KDM5C: variants seen among roughly 807,000 people sequenced by gnomAD.
KDM5C encodes the protein lysine-specific demethylase 5C.
In KDM5C, 16 loss-of-function variants were observed where a neutral mutation model predicts 110.6. The observed-to-expected ratio is 0.14, with a 90% confidence interval of 0.10 to 0.22. The LOEUF is 0.22. Ranked by LOEUF, KDM5C falls within the 10% of genes least tolerant of loss-of-function variation. The pLI, the probability that KDM5C is intolerant of heterozygous loss-of-function variation, is 1.00. For missense variants in KDM5C, 681 were observed against 1,300.9 expected (o/e 0.52, Z 7.33); for synonymous variants, 511 against 520.4 (o/e 0.98, Z 0.24).
downstream of KDM5C, chrX:53,192,040 AG>A (rs1442596967): frequency 3.3e-5 from 5 of 151,049 alleles, no homozygotes; most frequent in Admixed American, 5.4e-4. Context: ...ACTTGATTTC[AG>A]AACCCAGAGC....
chrX:53,180,866 C>T (rs1383185981), intron 25 of KDM5C, among the ~76,000 whole-genome samples: 1 of 107,788 alleles, frequency 9.3e-6, no homozygotes, highest in African/African-American at 3.4e-5. Context: ...GTAGCTGGGA[C>T]TACAGGCACC....
rs1934544035 is a variant in KDM5C at position 53,193,115 on chromosome X, G to A, written c.4535C>T (p.Pro1512Leu). The change falls in exon 26 of 26, where the codon CCC becomes CTC. Residue 1512 changes from proline (P) to leucine (L), a missense_variant. Coordinates refer to ENST00000375401, the MANE Select transcript of KDM5C (RefSeq NM_004187.5). ...TGGEGPPAPIPTTGSPSTQEN... is the reference protein window; with the variant it reads ...TGGEGPPAPILTTGSPSTQEN... The stretch of plus-strand genomic sequence containing the variant: ...CTGGGTGCTGGGGCTGCCAGTGGTG[G>A]GGATGGGTGCAGGGGGGCCCTCACC... 8.3e-7 allele frequency: 1 copy of A among 1,210,284 alleles called. No individual in the cohort carries two copies. The highest frequency in any genetic ancestry group is 1.1e-6 in the Non-Finnish European group (1 of 894,903).
chrX:53,189,919 G>C (rs113851148), downstream of KDM5C, among the ~76,000 whole-genome samples: 339 of 112,616 alleles, frequency 3.0e-3, 3 homozygotes, highest in African/African-American at 0.01. Flanking sequence ...GTTCAGTTGG[G>C]CCTGAAGGGT....
At chrX:53,184,658 A>G (rs921206429) in intron 25 of KDM5C, among the ~76,000 whole-genome samples, 1 of 112,270 alleles carries the variant, frequency 8.9e-6, no homozygotes, top group Non-Finnish European at 1.9e-5. Flanking sequence ...TGCATTCCTA[A>G]GATAAATCCC....
intron 25 of KDM5C, among the ~76,000 whole-genome samples, chrX:53,180,048 TA>T (rs368379675): frequency 2.7e-4 from 30 of 111,453 alleles, no homozygotes; most frequent in African/African-American, 9.1e-4. Flanking sequence ...CTTCAGTAAG[TA>T]AATAGATAAA....
chrX:53,211,509 G>C lies in KDM5C; in HGVS notation c.1389C>G (p.Thr463=), dbSNP rs1441362945. The C allele has an allele frequency of 8.3e-7, 1 of 1,211,506 alleles. No homozygotes were observed. Among genetic ancestry groups the C allele is most frequent in the Non-Finnish European group, 1.1e-6 (1 of 895,206 alleles). The stretch of plus-strand genomic sequence containing the variant: ...ATCATCCACTCACCTCCTCTTCGGG[G>C]GTTAGGTGCCGTTTACTGTCACTGA... ...FPVSDSKRHL[T]PEEEEYATSG... The change falls in exon 10 of 26, where the codon ACC becomes ACG. Residue 463 remains threonine (T), a synonymous_variant. Transcript: ENST00000375401.
chrX:53,214,413 T>C, intron 8 of KDM5C: 4 of 341,770 alleles, frequency 1.2e-5, no homozygotes, highest in Non-Finnish European at 2.0e-5. Context: ...CTTCTATATC[T>C]CAGAGTTTCT....
Position 53,225,199 on chromosome X carries a change from T to C in KDM5C, c.-310A>G, listed in dbSNP as rs781885790. 1 of 359,152 alleles carries C rather than the reference T, an allele frequency of 2.8e-6. No individual in the cohort carries two copies. The highest frequency in any genetic ancestry group is 2.6e-5 in the African/African-American group (1 of 38,313). 29.6% of individuals were successfully genotyped at this position (359,152 alleles called of 1,213,427 possible). On this transcript the variant is annotated 5_prime_UTR_variant, in exon 1 of 26. Transcript: ENST00000375401. ...GCCTTCAGCGCCGCCGCCGCCATCTTGGTTTGTCAGCGTCTCCCCTCCCCA... is the reference window on the plus strand; with the variant it reads ...GCCTTCAGCGCCGCCGCCGCCATCTCGGTTTGTCAGCGTCTCCCCTCCCCA...
intron 18 of KDM5C, 84 bp from the exon 19 acceptor site, chrX:53,197,128 A>G: frequency 1.3e-6 from 1 of 744,566 alleles, no homozygotes; most frequent in Non-Finnish European, 2.0e-6. Context: ...TGTCCCACCT[A>G]TCTTCTTACC....
Position 53,198,888 on chromosome X carries a change from C to T in KDM5C, c.2244G>A (p.Arg748=). ...GAAGCTCATCCAAGGTATACCGATA[C>T]CTGGAGGAAGAGGGCAGGCAAGAGC... ...CKCSSSRQYL[R]YRYTLDELPA... is the part of the protein sequence containing the mutation. Residue 748 remains arginine (R), a splice_region_variant and synonymous_variant, in exon 16 of 26, where the codon CGG becomes CGA. Coordinates refer to ENST00000375401, the MANE Select transcript of KDM5C (RefSeq NM_004187.5). 8.2e-7 allele frequency: 1 copy of T among 1,212,225 alleles called. No individual in the cohort carries two copies.
In KDM5C at chrX:53,180,719, C is replaced by CTTTT. The variant is rs1173641591; in HGVS notation, c.4309-4101_4309-4098dup. ...CTGGGATTACCACCACCACACCCGGCTTTTTTTTTTTTTTTTTTTTTTTTT... is the reference window on the plus strand; with the variant it reads ...CTGGGATTACCACCACCACACCCGGCTTTTTTTTTTTTTTTTTTTTTTTTTTTTT... On this transcript the variant is annotated intron_variant, in intron 25 of 25. Coordinates refer to the KDM5C transcript ENST00000685641. 7.3e-4 allele frequency among the ~76,000 whole-genome samples: 22 copies of CTTTT among 30,301 alleles called. 3 individuals are homozygous for CTTTT. The highest frequency in any genetic ancestry group is 1.7e-3 in the East Asian group (1 of 591). The allele number at this position is 30,301 out of a possible 115,157, so 26.3% of individuals were successfully genotyped here.
At chrX:53,185,446 G>A (rs1209906966) in intron 25 of KDM5C, among the ~76,000 whole-genome samples, 2 of 112,532 alleles carry the variant, frequency 1.8e-5, no homozygotes, top group African/African-American at 6.5e-5. Context: ...GAATACTACA[G>A]AAGCAAGAAG....
chrX:53,220,264 A>G (rs782231474), intron 2 of KDM5C, among the ~76,000 whole-genome samples: 1 of 111,691 alleles, frequency 9.0e-6, no homozygotes, highest in African/African-American at 3.3e-5. Context: ...CCACCTGTCC[A>G]TGAAAAGGGC....
chrX:53,201,394 AAGG>A lies in KDM5C; in HGVS notation c.2061+153_2061+155del, dbSNP rs2073134812. ...GTAAATCGACTTAAGGTTGCTGGTAAAGGGTATAGCAGAGAATGGTATGTGGTT... is the reference window on the plus strand; with the variant it reads ...GTAAATCGACTTAAGGTTGCTGGTAAGTATAGCAGAGAATGGTATGTGGTT... On this transcript the variant is annotated intron_variant, in intron 14 of 25. Transcript: ENST00000375401. 5.7e-6 allele frequency: 3 copies of A among 529,024 alleles called. No individual in the cohort carries two copies. In the South Asian group the frequency reaches 7.9e-5, roughly 14 times the overall value. 43.6% of individuals were successfully genotyped at this position (529,024 alleles called of 1,213,427 possible).
At chrX:53,203,352 G>A (rs1556843397) in intron 12 of KDM5C, among the ~76,000 whole-genome samples, 3 of 111,525 alleles carry the variant, frequency 2.7e-5, no homozygotes, top group Non-Finnish European at 5.6e-5. Context: ...GTACTGGGTA[G>A]GCCCATTGAC....
intron 22 of KDM5C, 30 bp from the exon 23 acceptor site, chrX:53,194,768 G>A: frequency 1.7e-6 from 2 of 1,208,840 alleles, no homozygotes; most frequent in Non-Finnish European, 2.2e-6. Flanking sequence ...AGCAAAGTGG[G>A]TCAGCAGCCT....
At chrX:53,204,628 C>T (rs1556844286) in intron 12 of KDM5C, among the ~76,000 whole-genome samples, 2 of 111,132 alleles carry the variant, frequency 1.8e-5, no homozygotes, top group Admixed American at 1.9e-4. Context: ...TCCCGAGTAG[C>T]TGGGACTACA....
In KDM5C at chrX:53,198,757, C is replaced by CTTA. The variant is rs2073051584; in HGVS notation, c.2368+6_2368+7insTAA. The CTTA allele has an allele frequency of 1.7e-6, 2 of 1,210,698 alleles. No individual in the cohort carries two copies. Among genetic ancestry groups the CTTA allele is most frequent in the African/African-American group, 3.5e-5 (2 of 57,329 alleles). Reference sequence around the variant, plus strand: ...TGTGGAGTCCCTCCATCCCCCCCATCACTCACTGCGCTTCCGCCCATCCTC... The same window carrying CTTA: ...TGTGGAGTCCCTCCATCCCCCCCATCTTAACTCACTGCGCTTCCGCCCATCCTC... On this transcript the variant is annotated splice_region_variant and intron_variant, in intron 16 of 25. Coordinates refer to ENST00000375401, the MANE Select transcript of KDM5C (RefSeq NM_004187.5).
intron 12 of KDM5C, among the ~76,000 whole-genome samples, chrX:53,204,999 T>C (rs1490894240): frequency 8.9e-5 from 10 of 112,034 alleles, no homozygotes; most frequent in African/African-American, 3.3e-4. Context: ...TTTATCATTG[T>C]CTCCTCTCTC....
Sources: allele counts gnomAD v4.1 joint callset (sites outside exome capture counted in the v4.1 genomes callset), GRCh38; gene constraint gnomAD v4.1.1; transcripts MANE v1.5; gene names NCBI Gene and HGNC (gene_info 2026-07-23, HGNC 2026-07-21).